The following RPH3AL variants were observed in gnomAD, a reference collection of about 807,000 sequenced individuals.
RPH3AL encodes the protein rabphilin 3A like (without C2 domains), also known as rab effector Noc2.
In RPH3AL, 38 loss-of-function variants were observed where a neutral mutation model predicts 43.1. The ratio of observed to expected loss-of-function variants is 0.88; its 90% CI spans 0.68 to 1.15. The LOEUF is 1.15. Among genes scored for constraint, RPH3AL ranks in the 50% most tolerant of loss-of-function variants. The pLI is 0.00. For missense variants in RPH3AL, 462 were observed against 423.2 expected (o/e 1.09, Z -0.81); for synonymous variants, 189 against 176.3 (o/e 1.07, Z -0.57).
In RPH3AL at chr17:274,530, A is replaced by G. The variant is rs1451235760; in HGVS notation, c.438+7238T>C. Among the ~76,000 whole-genome samples the G allele has an allele frequency of 6.6e-6, 1 of 152,236 alleles. No individual in the cohort carries two copies. Among genetic ancestry groups the G allele is most frequent in the African/African-American group, 2.4e-5 (1 of 41,464 alleles). On this transcript the variant is annotated intron_variant, in intron 6 of 9. Transcript: ENST00000331302. This position sits in a 1 kb window ranked among gnomAD's most constrained non-coding sequence, Gnocchi z 4.7. ...ATGTGAGTTGCATTGGGGAAGGAGT[A>G]TTTCCTGAAGCAAGGCTGCATCTGG...
chr17:222,968 T>C (rs1271862734), intron 7 of RPH3AL, among the ~76,000 whole-genome samples: 1 of 152,176 alleles, frequency 6.6e-6, no homozygotes. Context: ...GGCGGGTGGA[T>C]CACTTGAGGT....
intron 5 of RPH3AL, among the ~76,000 whole-genome samples, chr17:314,261 G>C (rs1398505427): frequency 2.0e-5 from 3 of 152,160 alleles, no homozygotes; most frequent in East Asian, 1.9e-4. Context: ...CAGGCTCTGT[G>C]CCTCTCCACA....
At chr17:296,805 G>A (rs2043191601) in intron 5 of RPH3AL, among the ~76,000 whole-genome samples, 1 of 152,214 alleles carries the variant, frequency 6.6e-6, no homozygotes, top group Non-Finnish European at 1.5e-5. Flanking sequence ...TATCAAAAGG[G>A]AGCCTGGGTT....
chr17:270,310 C>T (rs554307534), intron 6 of RPH3AL, among the ~76,000 whole-genome samples: 3 of 152,220 alleles, frequency 2.0e-5, no homozygotes, highest in Non-Finnish European at 4.4e-5. Flanking sequence ...CATGGAGAAA[C>T]AGATGGCAGC....
intron 6 of RPH3AL, 59 bp downstream of exon 6, chr17:281,709 C>A: frequency 1.8e-6 from 2 of 1,123,936 alleles, no homozygotes; most frequent in South Asian, 2.6e-5. Context: ...CCACCCATCC[C>A]CATCTGAGGG....
intron 5 of RPH3AL, among the ~76,000 whole-genome samples, chr17:292,518 G>T (rs191766606): frequency 6.6e-6 from 1 of 152,278 alleles, no homozygotes; most frequent in East Asian, 1.9e-4. Context: ...TTTTACACAA[G>T]GGATCTGAGA....
In RPH3AL at chr17:212,507, A is replaced by G. The variant is rs2040702089; in HGVS notation, c.*1345T>C. 1 of 152,100 alleles carries G rather than the reference A, an allele frequency of 6.6e-6. No homozygotes were observed. Among genetic ancestry groups the G allele is most frequent in the South Asian group, 2.1e-4 (1 of 4,822 alleles). The allele number at this position is 152,100 out of a possible 1,614,324, so 9.4% of individuals were successfully genotyped here. A position where few individuals can be genotyped will look rare whatever the true frequency, so the allele number is the denominator to read the frequency against. On this transcript the variant is annotated 3_prime_UTR_variant, in exon 10 of 10. Transcript: ENST00000331302. ...ACACACTGGCTCGGTGCAAATTTTA[A>G]TCTTCATTGTTTTAATTCTGAAGCA...
chr17:352,523 C>T (rs2045374241), intron 1 of RPH3AL, 189 bp downstream of exon 1: 1 of 152,232 alleles, frequency 6.6e-6, no homozygotes, highest in Non-Finnish European at 1.5e-5. Context: ...GCAGCAGGAC[C>T]TGGGGCAGCC....
intron 5 of RPH3AL, among the ~76,000 whole-genome samples, chr17:306,023 T>TA: frequency 2.4e-5 from 1 of 41,070 alleles, no homozygotes; most frequent in East Asian, 1.3e-3. Context: ...CATGCCCAGC[T>TA]ATTTTTTTTT....
intron 5 of RPH3AL, among the ~76,000 whole-genome samples, chr17:294,040 TA>T (rs2043110916): frequency 6.7e-6 from 1 of 149,924 alleles, no homozygotes; most frequent in Non-Finnish European, 1.5e-5. Flanking sequence ...AAAAATAAAA[TA>T]AAAATAAAAC....
chr17:311,220 G>A (rs1305788378), intron 5 of RPH3AL, among the ~76,000 whole-genome samples: 1 of 152,178 alleles, frequency 6.6e-6, no homozygotes, highest in Non-Finnish European at 1.5e-5. Flanking sequence ...GAGGCAGCTG[G>A]AGCATGCCCC....
At chr17:332,975 G>A (rs890892984) in intron 2 of RPH3AL, 27 of 1,271,442 alleles carry the variant, frequency 2.1e-5, no homozygotes, top group Admixed American at 1.6e-4. Flanking sequence ...ATAATTTCCC[G>A]AAAAATTCCT....
intron 7 of RPH3AL, among the ~76,000 whole-genome samples, chr17:229,008 T>A (rs1261095926): frequency 6.6e-6 from 1 of 152,116 alleles, no homozygotes; most frequent in Non-Finnish European, 1.5e-5. Context: ...AAATAACTAC[T>A]AAGCAGGACA....
At chr17:256,062 G>A (rs868951782) in intron 6 of RPH3AL, among the ~76,000 whole-genome samples, 18 of 37,308 alleles carry the variant, frequency 4.8e-4, no homozygotes, top group East Asian at 1.3e-3. Flanking sequence ...GCCGCACGGC[G>A]TCTGTCCTTT....
intron 1 of RPH3AL, among the ~76,000 whole-genome samples, chr17:347,736 G>A (rs907940837): frequency 3.9e-5 from 6 of 152,138 alleles, no homozygotes; most frequent in Non-Finnish European, 5.9e-5. Context: ...TTCAAGAACC[G>A]GCACACTCAT....
intron 6 of RPH3AL, among the ~76,000 whole-genome samples, chr17:276,696 C>G (rs1399235061): frequency 6.6e-6 from 1 of 152,134 alleles, no homozygotes; most frequent in Non-Finnish European, 1.5e-5. Flanking sequence ...CCTGGCCTCT[C>G]TTATATCTTT....
At chr17:236,382 C>T (rs1389410879) in intron 7 of RPH3AL, among the ~76,000 whole-genome samples, 1 of 152,382 alleles carries the variant, frequency 6.6e-6, no homozygotes, top group Middle Eastern at 3.4e-3. Context: ...CCTGCCTCAG[C>T]TCTGCTCTGG....
At chr17:319,215 G>T (rs917446494) in intron 5 of RPH3AL, among the ~76,000 whole-genome samples, 1 of 152,214 alleles carries the variant, frequency 6.6e-6, no homozygotes, top group Non-Finnish European at 1.5e-5. Context: ...AGGGCTAGAA[G>T]ATGCCTCCAA....
At chr17:324,700 TAG>T (rs1567524379) in intron 3 of RPH3AL, among the ~76,000 whole-genome samples, 7 of 143,114 alleles carry the variant, frequency 4.9e-5, no homozygotes, top group African/African-American at 1.5e-4. Flanking sequence ...TCTAGCTAGC[TAG>T]CTATGTACCT....
Sources: gnomAD v4.1 joint callset for allele counts (sites outside exome capture counted in the v4.1 genomes callset) on GRCh38, gnomAD v4.1.1 for gene constraint, Gnocchi (gnomAD v3.1) non-coding constraint, MANE v1.5 for transcripts, NCBI Gene and HGNC (gene_info 2026-07-23, HGNC 2026-07-21) for gene names.